NCAM2: variants seen among roughly 807,000 people sequenced by gnomAD.
The protein encoded by NCAM2 is N-CAM-2.
In NCAM2, 30 loss-of-function variants were observed where a neutral mutation model predicts 98.1. The observed-to-expected ratio is 0.31, with a 90% CI of 0.23 to 0.41. The LOEUF is 0.41. Among genes scored for constraint, NCAM2 ranks in the 10% least tolerant of loss-of-function variants. The probability of loss-of-function intolerance (pLI) is 1.00; values close to 1 mark genes in which losing one functional copy is unlikely to be tolerated. For synonymous variants in NCAM2, 368 were observed against 342.4 expected, an observed-to-expected ratio of 1.07 and a Z score of -0.83; for missense variants, 867 against 1,005.8, an observed-to-expected ratio of 0.86 and a Z score of 1.87.
chr21:21,380,398 T>C (rs1220060467), intron 9 of NCAM2, among the ~76,000 whole-genome samples: 1 of 152,208 alleles, frequency 6.6e-6, no homozygotes, highest in African/African-American at 2.4e-5. Context: ...TACTTTCCTG[T>C]TGCTGCTGTA....
intron 8 of NCAM2, 86 bp from the exon 9 acceptor site, chr21:21,373,777 G>T: frequency 8.8e-7 from 1 of 1,136,300 alleles, no homozygotes; most frequent in Non-Finnish European, 1.2e-6. Context: ...AGAGAAACAT[G>T]GGAAGTAACA....
chr21:21,120,812 G>A (rs1215452070), intron 1 of NCAM2, among the ~76,000 whole-genome samples: 3 of 149,360 alleles, frequency 2.0e-5, no homozygotes, highest in Non-Finnish European at 3.0e-5. Context: ...TCTGCCTCCC[G>A]GGTTCAGTCG....
At chr21:21,481,444 T>C (rs1038391139) in intron 15 of NCAM2, among the ~76,000 whole-genome samples, 1 of 152,194 alleles carries the variant, frequency 6.6e-6, no homozygotes, top group African/African-American at 2.4e-5. Context: ...AGAACAGATG[T>C]GAAGTATCCC....
At chr21:21,087,444 C>T (rs534487681) in intron 1 of NCAM2, among the ~76,000 whole-genome samples, 7 of 152,156 alleles carry the variant, frequency 4.6e-5, no homozygotes, top group Non-Finnish European at 1.0e-4. Flanking sequence ...ACAGTCCACA[C>T]AGCTCTTTAT....
chr21:21,138,929 T>C (rs1468510009), intron 1 of NCAM2, among the ~76,000 whole-genome samples: 1 of 152,196 alleles, frequency 6.6e-6, no homozygotes, highest in Non-Finnish European at 1.5e-5. Context: ...CAGGTTATGG[T>C]ATTTTAATGA....
chr21:21,409,506 G>C (rs2076813566), intron 9 of NCAM2, among the ~76,000 whole-genome samples: 1 of 152,066 alleles, frequency 6.6e-6, no homozygotes, highest in Non-Finnish European at 1.5e-5. Flanking sequence ...TCATACCTGA[G>C]TCTTCAAAAT....
At chr21:21,199,532 C>G (rs1862091107) in intron 1 of NCAM2, among the ~76,000 whole-genome samples, 1 of 152,166 alleles carries the variant, frequency 6.6e-6, no homozygotes, top group Non-Finnish European at 1.5e-5. Flanking sequence ...TCCTCCAATT[C>G]TGATGACCTG....
intron 5 of NCAM2, among the ~76,000 whole-genome samples, chr21:21,294,521 A>C (rs1168954575): frequency 6.6e-6 from 1 of 151,860 alleles, no homozygotes; most frequent in Non-Finnish European, 1.5e-5. Context: ...TCTAATATGA[A>C]CATCTTTGCT....
intron 1 of NCAM2, among the ~76,000 whole-genome samples, chr21:21,265,105 AAT>A (rs1406980866): frequency 1.6e-4 from 5 of 32,180 alleles, no homozygotes; most frequent in South Asian, 1.2e-3. Flanking sequence ...ATACATATAT[AAT>A]ATATATACAT....
intron 1 of NCAM2, among the ~76,000 whole-genome samples, chr21:21,121,313 T>G (rs2066670581): frequency 6.6e-6 from 1 of 152,224 alleles, no homozygotes; most frequent in African/African-American, 2.4e-5. Context: ...TAAGAATTGC[T>G]CTTCAAAATG....
intron 1 of NCAM2, among the ~76,000 whole-genome samples, chr21:21,105,146 T>A (rs2066319512): frequency 1.3e-5 from 2 of 152,090 alleles, no homozygotes; most frequent in Admixed American, 1.3e-4. Flanking sequence ...TAAACACAAA[T>A]TTTTGAGGTA....
intron 1 of NCAM2, among the ~76,000 whole-genome samples, chr21:21,008,731 G>A (rs1237089138): frequency 6.6e-6 from 1 of 152,018 alleles, no homozygotes; most frequent in Non-Finnish European, 1.5e-5. Context: ...GTTTACTTTT[G>A]GACTGGGTTT....
At chr21:21,411,069 TAC>T (rs1555889864) in intron 10 of NCAM2, among the ~76,000 whole-genome samples, 19 of 32,792 alleles carry the variant, frequency 5.8e-4, no homozygotes, top group Non-Finnish European at 7.0e-4. Context: ...TATATATATA[TAC>T]ACACACATAT....
chr21:21,497,702 A>T (rs977538289), intron 15 of NCAM2, among the ~76,000 whole-genome samples: 15 of 152,176 alleles, frequency 9.9e-5, no homozygotes, highest in Admixed American at 7.2e-4. Context: ...GTTGGGAAAT[A>T]CATACATCTA....
chr21:21,532,362 C>G (rs1989752199), intron 16 of NCAM2, among the ~76,000 whole-genome samples: 1 of 151,894 alleles, frequency 6.6e-6, no homozygotes, highest in South Asian at 2.1e-4. Flanking sequence ...GTGCTGATAT[C>G]TGTGTAGAAT....
At position 21,541,451 on chromosome 21, in the gene NCAM2, ATATTCT is replaced by A. The variant is rs1243888208; in HGVS notation, c.*3497_*3502del. ...AATTCTTTTTATACACACACATGAAATATTCTTAATCTGTTCTGTATTGTTTTTCTA... is the reference window on the plus strand; with the variant it reads ...AATTCTTTTTATACACACACATGAAATAATCTGTTCTGTATTGTTTTTCTA... On this transcript the variant is annotated 3_prime_UTR_variant, in exon 18 of 18. Transcript: ENST00000400546. The A allele has an allele frequency of 1.7e-4, 26 of 151,686 alleles. No individual in the cohort carries two copies. Among genetic ancestry groups the A allele is most frequent in the Non-Finnish European group, 2.5e-4 (17 of 67,738 alleles). 9.4% of individuals were successfully genotyped at this position (151,686 alleles called of 1,614,324 possible).
intron 1 of NCAM2, among the ~76,000 whole-genome samples, chr21:21,227,756 A>G (rs2070446904): frequency 6.6e-6 from 1 of 151,806 alleles, no homozygotes; most frequent in Non-Finnish European, 1.5e-5. Context: ...TTGATAGAAA[A>G]TTGGCTATCT....
chr21:21,435,882 T>C (rs980862970), intron 12 of NCAM2, among the ~76,000 whole-genome samples: 1 of 152,214 alleles, frequency 6.6e-6, no homozygotes, highest in African/African-American at 2.4e-5. Context: ...AAGGATTTCT[T>C]AGTGTAGACT....
At chr21:21,208,281 A>G (rs1218698921) in intron 1 of NCAM2, among the ~76,000 whole-genome samples, 1 of 152,198 alleles carries the variant, frequency 6.6e-6, no homozygotes, top group African/African-American at 2.4e-5. Context: ...TCAACTGACA[A>G]TGAATAAAAT....
Sources: gnomAD v4.1 joint callset for allele counts (sites outside exome capture counted in the v4.1 genomes callset) on GRCh38, gnomAD v4.1.1 for gene constraint, MANE v1.5 for transcripts, NCBI Gene and HGNC (gene_info 2026-07-23, HGNC 2026-07-21) for gene names.